The following ASIC2 variants were observed in gnomAD, a reference collection of about 807,000 sequenced individuals.
The protein encoded by ASIC2 is acid sensing ion channel subunit 2.
ASIC2 carries 25 observed loss-of-function variants against 57.3 expected under a neutral mutation model. The observed-to-expected ratio is 0.44, with a 90% confidence interval of 0.32 to 0.61. The LOEUF is 0.61. ASIC2 is among the 20% of genes least tolerant of loss of function. ASIC2 has a pLI of 0.06. For synonymous variants in ASIC2, 319 were observed against 307.5 expected (o/e 1.04, Z -0.39); for missense variants, 641 against 738.1 (o/e 0.87, Z 1.52).
At position 34,039,280 on chromosome 17, in the gene ASIC2, T is replaced by G. The variant is rs1009870139; in HGVS notation, c.555+116698A>C. 5.2e-5 allele frequency: 84 copies of G among 1,613,864 alleles called. No individual in the cohort carries two copies. The Middle Eastern group carries it at 8.2e-4, about 16-fold the overall frequency. On this transcript the variant is annotated intron_variant, in intron 1 of 9. Coordinates refer to the ASIC2 transcript ENST00000359872. ...TCTGTGCTGGATGGAGATCTGTTTT[T>G]GGGAGCTGCAGGAATGCTCTGTGTT...
intron 1 of ASIC2, among the ~76,000 whole-genome samples, chr17:33,688,024 C>G (rs1054451255): frequency 6.6e-6 from 1 of 152,182 alleles, no homozygotes; most frequent in Non-Finnish European, 1.5e-5. Context: ...AATCTCACTT[C>G]CTCTCAATTT....
rs1192255518 is a variant in ASIC2, at chr17:33,292,624, C to T, written c.-509G>A. The T allele has an allele frequency of 5.1e-6, 5 of 985,588 alleles. No homozygotes were observed. Among genetic ancestry groups the T allele is most frequent in the East Asian group, 1.1e-4 (1 of 8,794 alleles). The allele number at this position is 985,588 out of a possible 1,614,324, so 61.1% of individuals were successfully genotyped here. A position where few individuals can be genotyped will look rare whatever the true frequency, so the allele number is the denominator to read the frequency against. ...CCCCAGGGACCCCACCAGCCCGGCC[C>T]GTAGCCCAGCGGTGCTGGGACACGG... On this transcript the variant is annotated 5_prime_UTR_variant, in exon 1 of 10. Coordinates refer to ENST00000225823, the MANE Select transcript of ASIC2 (RefSeq NM_183377.2).
intron 1 of ASIC2, among the ~76,000 whole-genome samples, chr17:33,902,662 C>G (rs779305572): frequency 3.3e-5 from 5 of 152,188 alleles, no homozygotes; most frequent in Admixed American, 6.5e-5. Flanking sequence ...GGGACTCCAA[C>G]AGTCAATGCA....
intron 1 of ASIC2, among the ~76,000 whole-genome samples, chr17:33,200,284 T>TG (rs1205675283): frequency 6.6e-6 from 1 of 152,222 alleles, no homozygotes; most frequent in African/African-American, 2.4e-5. Context: ...CAACATTTTA[T>TG]GAGTTTGTTG....
At chr17:33,653,838 T>A (rs543978926) in intron 1 of ASIC2, among the ~76,000 whole-genome samples, 2 of 152,210 alleles carry the variant, frequency 1.3e-5, no homozygotes, top group African/African-American at 4.8e-5. Context: ...TATTATTACT[T>A]AAAAATGTGA....
chr17:33,647,081 C>A (rs1432345164), intron 1 of ASIC2, among the ~76,000 whole-genome samples: 1 of 152,144 alleles, frequency 6.6e-6, no homozygotes, highest in African/African-American at 2.4e-5. Flanking sequence ...CAGCCCTGTA[C>A]TGTTGTTTGG....
At chr17:33,528,167 G>GGTGTGTGTGTTTGT (rs1555541093) in intron 1 of ASIC2, among the ~76,000 whole-genome samples, 2 of 143,406 alleles carry the variant, frequency 1.4e-5, no homozygotes, top group Non-Finnish European at 3.0e-5. Context: ...GTATGTGGTA[G>GGTGTGTGTGTTTGT]GTGTGTGTGT....
chr17:33,301,812 C>T (rs941385237), intron 1 of ASIC2, among the ~76,000 whole-genome samples: 3 of 152,204 alleles, frequency 2.0e-5, no homozygotes, highest in African/African-American at 7.2e-5. Flanking sequence ...CATGCACTTT[C>T]TCTGTTTTCT....
intron 1 of ASIC2, among the ~76,000 whole-genome samples, chr17:33,205,255 G>A (rs1417071161): frequency 6.6e-6 from 1 of 152,188 alleles, no homozygotes; most frequent in African/African-American, 2.4e-5. Context: ...TGTGCCCCTT[G>A]CATCACCTGA....
At chr17:33,641,740 G>A (rs1371141732) in intron 1 of ASIC2, among the ~76,000 whole-genome samples, 1 of 152,180 alleles carries the variant, frequency 6.6e-6, no homozygotes, top group Non-Finnish European at 1.5e-5. Context: ...GCACTATGGA[G>A]CTGGACAGTG....
In ASIC2 at chr17:33,147,027, C is replaced by T. The variant is rs911199484; in HGVS notation, c.709-34960G>A. On this transcript the variant is annotated intron_variant, in intron 1 of 9. Transcript: ENST00000225823. ...TGATATCTTCTAAAGAACTATACTCCCCTACTTGGAAAATGTGCTTGCTTA... is the reference window on the plus strand; with the variant it reads ...TGATATCTTCTAAAGAACTATACTCTCCTACTTGGAAAATGTGCTTGCTTA... Among the ~76,000 whole-genome samples, 5 of 152,270 alleles carry T rather than the reference C, an allele frequency of 3.3e-5. No homozygotes were observed. The East Asian group carries it at 5.8e-4, about 18-fold the overall frequency.
intron 1 of ASIC2, chr17:33,932,741 A>AAAAAAAATATAT (rs1555572867): frequency 1.7e-5 from 1 of 58,714 alleles, no homozygotes; most frequent in African/African-American, 6.8e-5. Context: ...AAAAAAAAAA[A>AAAAAAAATATAT]ATATATATAT....
At chr17:33,822,898 A>T (rs535065091) in intron 1 of ASIC2, among the ~76,000 whole-genome samples, 1 of 152,344 alleles carries the variant, frequency 6.6e-6, no homozygotes, top group Admixed American at 6.5e-5. Context: ...GGAAAGCTTG[A>T]TCATAAATTT....
intron 1 of ASIC2, among the ~76,000 whole-genome samples, chr17:33,965,136 G>T (rs1466270979): frequency 6.6e-6 from 1 of 152,186 alleles, no homozygotes; most frequent in Non-Finnish European, 1.5e-5. Flanking sequence ...CTTATTGAAT[G>T]CCTATCATAT....
chr17:33,622,022 A>T (rs1288387205), intron 1 of ASIC2, among the ~76,000 whole-genome samples: 4 of 152,076 alleles, frequency 2.6e-5, no homozygotes, highest in Non-Finnish European at 4.4e-5. Flanking sequence ...TGTTGGCACT[A>T]TGATCACTAT....
chr17:34,112,753 T>C (rs578098210), intron 1 of ASIC2, among the ~76,000 whole-genome samples: 14 of 152,250 alleles, frequency 9.2e-5, no homozygotes, highest in Admixed American at 9.2e-4. Context: ...AGGATGAACG[T>C]TCTCACTCCA....
intron 1 of ASIC2, among the ~76,000 whole-genome samples, chr17:33,443,455 C>A (rs1241026224): frequency 7.4e-6 from 1 of 134,394 alleles, no homozygotes; most frequent in African/African-American, 2.8e-5. Flanking sequence ...GCTCTGTCGC[C>A]CAGGCTGGAG....
intron 1 of ASIC2, among the ~76,000 whole-genome samples, chr17:34,111,250 A>G (rs1024254677): frequency 1.3e-5 from 2 of 148,572 alleles, no homozygotes; most frequent in Admixed American, 6.8e-5. Context: ...ATACACACAT[A>G]TATATAATAG....
rs373156092 is a variant in ASIC2, at chr17:33,737,332, T to C, written c.555+418646A>G. ...CAAGAGGTGTCCCTGGTTTGTTCTG[T>C]TGAATCCAGGACCATGACCTCAAAC... On this transcript the variant is annotated intron_variant, in intron 1 of 9. Coordinates refer to the ASIC2 transcript ENST00000359872. Among the ~76,000 whole-genome samples, 18 of 152,386 alleles carry C rather than the reference T, an allele frequency of 1.2e-4. No individual in the cohort carries two copies. The East Asian group carries it at 1.7e-3, about 15-fold the overall frequency.
Sources: gnomAD v4.1 joint callset for allele counts (sites outside exome capture counted in the v4.1 genomes callset) on GRCh38, gnomAD v4.1.1 for gene constraint, MANE v1.5 for transcripts, NCBI Gene and HGNC (gene_info 2026-07-23, HGNC 2026-07-21) for gene names.